Variants in DCN observed in about 807,000 individuals in gnomAD.
DCN encodes decorin, also known as bone proteoglycan II.
A neutral mutation model predicts 36.5 loss-of-function variants in DCN; 17 were observed. The observed-to-expected ratio is 0.47, with a 90% CI of 0.32 to 0.70. The LOEUF (loss-of-function observed/expected upper bound fraction) is 0.70, where lower values mean the gene tolerates loss of function less well. Among genes scored for constraint, DCN ranks in the 30% least tolerant of loss-of-function variants. The pLI is 0.04. For missense variants in DCN, 389 were observed against 430.1 expected (o/e 0.90, Z 0.84); for synonymous variants, 163 against 161.4 (o/e 1.01, Z -0.07).
intron 5 of DCN, among the ~76,000 whole-genome samples, chr12:91,156,695 C>CTTT (rs76405331): frequency 4.2e-5 from 6 of 142,466 alleles, no homozygotes; most frequent in South Asian, 2.2e-4. Context: ...TCCCATATAT[C>CTTT]TTTTTTTTTT....
chr12:91,158,294 A>T lies in DCN; in HGVS notation c.538+2T>A, dbSNP rs1881930176. Reference sequence around the variant, plus strand: ...GTCTTAAAGTTATAAAAATGTCTGTACCTATGACAATCATCTGGTTCAGTC... The same window carrying T: ...GTCTTAAAGTTATAAAAATGTCTGTTCCTATGACAATCATCTGGTTCAGTC... On this transcript the variant is annotated splice_donor_variant, in intron 4 of 7. Coordinates refer to ENST00000052754, the MANE Select transcript of DCN (RefSeq NM_001920.5). LOFTEE classifies it high-confidence loss of function. 5 of 1,577,344 alleles carry T rather than the reference A, an allele frequency of 3.2e-6. No individual in the cohort carries two copies. The highest frequency in any genetic ancestry group is 4.4e-6 in the Non-Finnish European group (5 of 1,146,548).
intron 3 of DCN, among the ~76,000 whole-genome samples, chr12:91,162,477 T>C (rs1163512781): frequency 2.0e-5 from 3 of 152,196 alleles, no homozygotes; most frequent in African/African-American, 4.8e-5. Flanking sequence ...TTTATTCTAA[T>C]GTATATCAGA....
At position 91,145,410 on chromosome 12, in the gene DCN, T is replaced by C. The variant is rs1049954006; in HGVS notation, c.*648A>G. The C allele has an allele frequency of 1.9e-5, 3 of 154,734 alleles. No homozygotes were observed. Among genetic ancestry groups the C allele is most frequent in the African/African-American group, 7.2e-5 (3 of 41,412 alleles). 9.6% of individuals were successfully genotyped at this position (154,734 alleles called of 1,614,324 possible). On this transcript the variant is annotated 3_prime_UTR_variant, in exon 8 of 8. Transcript: ENST00000052754. The stretch of plus-strand genomic sequence containing the variant: ...TACTCAAATGTAAGATAGGGAGAGG[T>C]AGAAGAAATAGCTGAGAACTTGAAA...
Position 91,182,731 on chromosome 12 carries a change from G to C in DCN, c.-110C>G, listed in dbSNP as rs1868456127. On this transcript the variant is annotated 5_prime_UTR_variant, in exon 1 of 8. Coordinates refer to ENST00000052754, the MANE Select transcript of DCN (RefSeq NM_001920.5). ...CACTAAATATTCAGCCCAAGTAAAA[G>C]AGTTTGCAGGTGTGGAAAGGAGGAG... The C allele has an allele frequency of 6.6e-6, 1 of 151,992 alleles. No homozygotes were observed. The highest frequency in any genetic ancestry group is 6.6e-5 in the Admixed American group (1 of 15,230). The allele number at this position is 151,992 out of a possible 1,614,324, so 9.4% of individuals were successfully genotyped here. A position where few individuals can be genotyped will look rare whatever the true frequency, so the allele number is the denominator to read the frequency against.
intron 2 of DCN, chr12:91,172,642 A>G (rs1883041354): frequency 1.7e-6 from 1 of 600,312 alleles, no homozygotes; most frequent in African/African-American, 1.9e-5. Context: ...GGATGCACTG[A>G]GAAATCACTT....
rs775666283 is a variant in DCN at position 91,146,072 on chromosome 12, C to T, written c.1066G>A (p.Gly356Arg). The stretch of plus-strand genomic sequence containing the variant: ...TTTCTTGAGAATTACTTATAGTTTC[C>T]GAGTTGAATGGCAGAGCGCACGTAG... ...CVYVRSAIQL[G>R]NYK Residue 356 changes from glycine (G) to arginine (R), a missense_variant, in exon 8 of 8, where the codon GGA becomes AGA. By Grantham distance (125) the Gly-to-Arg change is moderately radical. Transcript: ENST00000052754. 1.1e-5 allele frequency: 18 copies of T among 1,613,474 alleles called. No individual in the cohort carries two copies. Among genetic ancestry groups the T allele is most frequent in the East Asian group, 4.5e-5 (2 of 44,858 alleles).
At chr12:91,158,908 G>A (rs1881977737) in intron 3 of DCN, among the ~76,000 whole-genome samples, 1 of 151,910 alleles carries the variant, frequency 6.6e-6, no homozygotes, top group Non-Finnish European at 1.5e-5. Flanking sequence ...GTTGCAGTGA[G>A]CTGAGATCAC....
chr12:91,162,352 T>C (rs147228465), intron 3 of DCN, among the ~76,000 whole-genome samples: 1 of 152,332 alleles, frequency 6.6e-6, no homozygotes, highest in Admixed American at 6.5e-5. Flanking sequence ...GTTTACTGCT[T>C]TTCCCATCTT....
Position 91,151,682 on chromosome 12 carries a change from C to G in DCN, c.857G>C (p.Gly286Ala), listed in dbSNP as rs1163010222. ...GATGTACTTATGCTCTGCCAGCCCA[C>G]CAGGTACTCTGGTAAGCTTGTTGTT... Reference protein sequence around the residue: ...LDNNKLTRVPGGLAEHKYIQV... With the variant: ...LDNNKLTRVPAGLAEHKYIQV... The change falls in exon 7 of 8, where the codon GGT becomes GCT. Residue 286 changes from glycine to alanine, a missense_variant. Gly to Ala is a moderately conservative substitution (Grantham distance 60, BLOSUM62 0). Coordinates refer to ENST00000052754, the MANE Select transcript of DCN (RefSeq NM_001920.5). The G allele has an allele frequency of 6.2e-7, 1 of 1,614,078 alleles. No homozygotes were observed. Among genetic ancestry groups the G allele is most frequent in the East Asian group, 2.2e-5 (1 of 44,876 alleles).
In DCN at chr12:91,151,804, A is replaced by G. The variant is rs1402399805; in HGVS notation, c.747-12T>C. 2.5e-6 allele frequency: 4 copies of G among 1,613,902 alleles called. No individual in the cohort carries two copies. On this transcript the variant is annotated splice_polypyrimidine_tract_variant and intron_variant, in intron 6 of 7. Transcript: ENST00000052754. ...AACTCAATCCCAACCTGCAACAGAA[A>G]GCAGAAATGAAAGCAAACACCACAC...
At chr12:91,157,989 G>A (rs539687012) in intron 4 of DCN, among the ~76,000 whole-genome samples, 1 of 152,234 alleles carries the variant, frequency 6.6e-6, no homozygotes, top group Admixed American at 6.5e-5. Flanking sequence ...CCCCAAAACG[G>A]AAAGGTATCT....
rs796237470 is a variant in DCN at position 91,165,686 on chromosome 12, A to G, written c.212-969T>C. Among the ~76,000 whole-genome samples the G allele has an allele frequency of 2.6e-5, 4 of 152,146 alleles. 1 individual carries two copies. In the South Asian group the frequency reaches 8.3e-4, roughly 31 times the overall value. On this transcript the variant is annotated intron_variant, in intron 2 of 7. Transcript: ENST00000052754. ...TTTGATATTCTATTAACTCAAATTA[A>G]TGTGATCATTTCTGTATTTTAAGAC... is the stretch of plus-strand genomic sequence containing the variant.
chr12:91,157,884 TC>T (rs1244324151), intron 4 of DCN, among the ~76,000 whole-genome samples: 3 of 152,184 alleles, frequency 2.0e-5, no homozygotes, highest in African/African-American at 7.2e-5. Flanking sequence ...TGCTTCGGCC[TC>T]CCAAAGTGCT....
Position 91,151,729 on chromosome 12 carries a change from A to G in DCN, c.810T>C (p.His270=), listed in dbSNP as rs1283332656. 6.2e-7 allele frequency: 1 copy of G among 1,614,086 alleles called. No homozygotes were observed. The highest frequency in any genetic ancestry group is 1.1e-5 in the South Asian group (1 of 91,086). Residue 270 remains histidine (H), a synonymous_variant, in exon 7 of 8, where the codon CAT becomes CAC. Transcript: ENST00000052754. ...TGTTGTCCAAGTGAAGCTCCCTCAGATGAGGCGTGTTGGCCAGAGAGCCAT... is the reference window on the plus strand; with the variant it reads ...TGTTGTCCAAGTGAAGCTCCCTCAGGTGAGGCGTGTTGGCCAGAGAGCCAT... ...VDNGSLANTP[H]LRELHLDNNK... is the part of the protein sequence containing the mutation.
At chr12:91,152,016 G>A (rs1010852759) in intron 6 of DCN, among the ~76,000 whole-genome samples, 4 of 152,250 alleles carry the variant, frequency 2.6e-5, no homozygotes, top group East Asian at 1.9e-4. Flanking sequence ...CTGACAGAAC[G>A]TGATTGGACA....
rs769305304 is a variant in DCN, at chr12:91,153,143, G to T, written c.699C>A (p.Ile233=). The change falls in exon 6 of 8, where the codon ATC becomes ATA. Residue 233 remains isoleucine (I), a synonymous_variant. Coordinates refer to ENST00000052754, the MANE Select transcript of DCN (RefSeq NM_001920.5). ...LTELHLDGNK[I]SRVDAASLKG... is the part of the protein sequence containing the mutation. Reference sequence around the variant, plus strand: ...TCAGGCTAGCTGCATCAACTCTGCTGATTTTGTTGCCATCAAGATGTAATT... The same window carrying T: ...TCAGGCTAGCTGCATCAACTCTGCTTATTTTGTTGCCATCAAGATGTAATT... 2 of 1,611,096 alleles carry T rather than the reference G, an allele frequency of 1.2e-6. No homozygotes were observed. Among genetic ancestry groups the T allele is most frequent in the Non-Finnish European group, 1.7e-6 (2 of 1,177,352 alleles).
intron 5 of DCN, among the ~76,000 whole-genome samples, chr12:91,156,522 G>A (rs1347623116): frequency 1.3e-5 from 2 of 151,920 alleles, no homozygotes; most frequent in Non-Finnish European, 2.9e-5. Context: ...CCACTTTATG[G>A]TAATTTGGGC....
rs549031839 is a variant in DCN at position 91,145,856 on chromosome 12, G to C, written c.*202C>G. The C allele has an allele frequency of 5.2e-6, 3 of 576,130 alleles. No homozygotes were observed. In the Admixed American group the frequency reaches 9.1e-5, roughly 17 times the overall value. 35.7% of individuals were successfully genotyped at this position (576,130 alleles called of 1,614,324 possible). A position where few individuals can be genotyped will look rare whatever the true frequency, so the allele number is the denominator to read the frequency against. On this transcript the variant is annotated 3_prime_UTR_variant, in exon 8 of 8. Transcript: ENST00000052754. ...TTAACATCAACAGAAAGCTTCAAAAGATGATTCTGAAAATGGCAGGCAAAA... is the reference window on the plus strand; with the variant it reads ...TTAACATCAACAGAAAGCTTCAAAACATGATTCTGAAAATGGCAGGCAAAA...
intron 4 of DCN, among the ~76,000 whole-genome samples, chr12:91,157,529 A>T (rs1480764385): frequency 6.6e-6 from 1 of 152,176 alleles, no homozygotes; most frequent in Admixed American, 6.5e-5. Context: ...ATCTTACGTT[A>T]TTTATTATTT....
Sources: allele counts gnomAD v4.1 joint callset (sites outside exome capture counted in the v4.1 genomes callset), GRCh38; gene constraint gnomAD v4.1.1; transcripts MANE v1.5; gene names NCBI Gene and HGNC (gene_info 2026-07-23, HGNC 2026-07-21).